Variants in EXTL3 observed in about 807,000 individuals in gnomAD.
EXTL3 encodes the protein exostosin like glycosyltransferase 3.
Under a neutral mutation model 69.3 loss-of-function variants are expected in EXTL3, and 27 were observed. That is an observed-to-expected ratio of 0.39 (90% CI 0.29 to 0.54). The LOEUF (loss-of-function observed/expected upper bound fraction) is 0.54. Among genes scored for constraint, EXTL3 ranks in the 20% least tolerant of loss-of-function variants. EXTL3 has a pLI of 0.69. For missense variants in EXTL3, 1,003 were observed against 1,231.8 expected, an observed-to-expected ratio of 0.81 and a Z score of 2.78; for synonymous variants, 511 against 499.4, an observed-to-expected ratio of 1.02 and a Z score of -0.31.
intron 1 of EXTL3, among the ~76,000 whole-genome samples, chr8:28,638,862 G>A (rs1032506274): frequency 2.0e-5 from 3 of 151,638 alleles, no homozygotes; most frequent in Admixed American, 6.6e-5. Context: ...AACTCCTGAC[G>A]TCAGGTGATC....
chr8:28,650,467 C>T (rs529487685), intron 1 of EXTL3, among the ~76,000 whole-genome samples: 5 of 151,962 alleles, frequency 3.3e-5, no homozygotes, highest in East Asian at 1.9e-4. Flanking sequence ...AAGCGATTCT[C>T]CTGCCTCAGC....
intron 1 of EXTL3, among the ~76,000 whole-genome samples, chr8:28,648,742 A>C (rs965811436): frequency 6.6e-6 from 1 of 151,394 alleles, no homozygotes; most frequent in Non-Finnish European, 1.5e-5. Context: ...ACATTCTTTT[A>C]TTTTTTTAAT....
At chr8:28,707,531 G>A (rs914162513) in intron 1 of EXTL3, among the ~76,000 whole-genome samples, 1 of 152,244 alleles carries the variant, frequency 6.6e-6, no homozygotes, top group African/African-American at 2.4e-5. Flanking sequence ...TTAGCTAAGG[G>A]ATAGTGCTGT....
chr8:28,694,484 T>C (rs1184135023), intron 1 of EXTL3, among the ~76,000 whole-genome samples: 2 of 152,256 alleles, frequency 1.3e-5, no homozygotes, highest in Non-Finnish European at 2.9e-5. Flanking sequence ...TCAGCATTTC[T>C]CTTGCACCAC....
intron 3 of EXTL3, 50 bp from the exon 4 acceptor site, chr8:28,731,173 C>T: frequency 6.2e-7 from 1 of 1,613,138 alleles, no homozygotes; most frequent in Middle Eastern, 1.7e-4. Context: ...TTTTGTTTGG[C>T]CTTTCATAAC....
intron 3 of EXTL3, among the ~76,000 whole-genome samples, chr8:28,719,888 A>G (rs966874235): frequency 6.6e-6 from 1 of 152,244 alleles, no homozygotes; most frequent in Admixed American, 6.5e-5. Flanking sequence ...ACTTACCAGA[A>G]TGAATCTTTT....
intron 1 of EXTL3, among the ~76,000 whole-genome samples, chr8:28,679,173 C>T (rs144331219): frequency 8.1e-4 from 123 of 152,330 alleles, no homozygotes; most frequent in Middle Eastern, 6.8e-3. Context: ...CTAGGCCAGG[C>T]GTGCCGGTTC....
chr8:28,649,909 T>C (rs549976593), intron 1 of EXTL3, among the ~76,000 whole-genome samples: 1 of 152,046 alleles, frequency 6.6e-6, no homozygotes, highest in Admixed American at 6.6e-5. Context: ...ATAGATGTTG[T>C]TGAAAGCCCG....
chr8:28,736,031 G>C (rs1443935469), intron 4 of EXTL3, among the ~76,000 whole-genome samples: 2 of 152,180 alleles, frequency 1.3e-5, no homozygotes, highest in Non-Finnish European at 2.9e-5. Flanking sequence ...AATGGGGACA[G>C]AGTTTCCGTT....
At chr8:28,665,231 T>A (rs1807177705) in intron 1 of EXTL3, among the ~76,000 whole-genome samples, 1 of 151,236 alleles carries the variant, frequency 6.6e-6, no homozygotes, top group Non-Finnish European at 1.5e-5. Flanking sequence ...GCCACCACCA[T>A]GCCTGACTCA....
At chr8:28,733,585 T>G in intron 4 of EXTL3, among the ~76,000 whole-genome samples, 1 of 144,676 alleles carries the variant, frequency 6.9e-6, no homozygotes, top group African/African-American at 2.6e-5. Flanking sequence ...TTTGTACAGA[T>G]GGGTTCTCAC....
At chr8:28,667,473 C>G (rs1432052641) in intron 1 of EXTL3, among the ~76,000 whole-genome samples, 1 of 152,194 alleles carries the variant, frequency 6.6e-6, no homozygotes, top group Non-Finnish European at 1.5e-5. Flanking sequence ...GCCTCTTGGC[C>G]AAGTGGCTAC....
At chr8:28,744,725 G>A (rs902925412) in intron 6 of EXTL3, among the ~76,000 whole-genome samples, 4 of 151,854 alleles carry the variant, frequency 2.6e-5, no homozygotes, top group Non-Finnish European at 5.9e-5. Context: ...ACCTGGAGGC[G>A]GAGGTTGCAG....
At chr8:28,662,772 C>T (rs774700433) in intron 1 of EXTL3, among the ~76,000 whole-genome samples, 4 of 151,986 alleles carry the variant, frequency 2.6e-5, no homozygotes, top group Non-Finnish European at 5.9e-5. Context: ...ATTAGCCAGG[C>T]GTGGTGGCAC....
chr8:28,670,219 A>AAAAAAAAAAG (rs1563442510), intron 1 of EXTL3, among the ~76,000 whole-genome samples: 2 of 148,300 alleles, frequency 1.3e-5, no homozygotes, highest in African/African-American at 4.9e-5. Flanking sequence ...AAAAAAAAAA[A>AAAAAAAAAAG]GGTTGGGGGG....
chr8:28,655,121 T>TA (rs1806985105), intron 1 of EXTL3, among the ~76,000 whole-genome samples: 1 of 152,156 alleles, frequency 6.6e-6, no homozygotes, highest in South Asian at 2.1e-4. Context: ...TTGAGCACTT[T>TA]AAAAATCTTC....
At chr8:28,611,073 C>T (rs938503960) in intron 2 of EXTL3, among the ~76,000 whole-genome samples, 5 of 152,168 alleles carry the variant, frequency 3.3e-5, no homozygotes, top group African/African-American at 1.2e-4. Flanking sequence ...ACTGTATTAC[C>T]TCTCCTTGCT....
In EXTL3 at chr8:28,628,805, C is replaced by T. The variant is rs549740862; in HGVS notation, c.-53+5995C>T. ...AGTAGCTGGGATTATAGGTGCACAC[C>T]GTCATTCCTGGCTAAGTTTTGTATT... On this transcript the variant is annotated intron_variant, in intron 1 of 6. Transcript: ENST00000523149. Among the ~76,000 whole-genome samples, 6 of 152,242 alleles carry T rather than the reference C, an allele frequency of 3.9e-5. No individual in the cohort carries two copies. In the East Asian group the frequency reaches 7.7e-4, roughly 20 times the overall value.
chr8:28,716,800 G>A lies in EXTL3; in HGVS notation c.741G>A (p.Glu247=). 1 of 1,614,262 alleles carries A rather than the reference G, an allele frequency of 6.2e-7. No individual in the cohort carries two copies. The highest frequency in any genetic ancestry group is 8.5e-7 in the Non-Finnish European group (1 of 1,180,048). The change falls in exon 3 of 7, where the codon GAG becomes GAA. Residue 247 remains glutamate, a synonymous_variant. Coordinates refer to ENST00000220562, the MANE Select transcript of EXTL3 (RefSeq NM_001440.4). This position sits in a 1 kb window ranked among gnomAD's most constrained non-coding sequence, Gnocchi z 7.1. Reference sequence around the variant, plus strand: ...TGATACTAGTGGGAGAGATGCAGGAGCCGGTGGTGCTGCGGCCTGCTGAGC... The same window carrying A: ...TGATACTAGTGGGAGAGATGCAGGAACCGGTGGTGCTGCGGCCTGCTGAGC... ...LYVILVGEMQ[E]PVVLRPAELE... is the part of the protein sequence containing the mutation.
Sources: allele counts gnomAD v4.1 joint callset (sites outside exome capture counted in the v4.1 genomes callset), GRCh38; gene constraint gnomAD v4.1.1; non-coding constraint Gnocchi (gnomAD v3.1); transcripts MANE v1.5; gene names NCBI Gene and HGNC (gene_info 2026-07-23, HGNC 2026-07-21).